DNAI3: variants seen among roughly 807,000 people sequenced by gnomAD.
DNAI3 encodes dynein axonemal intermediate chain 3, also known as WD repeat domain 63.
A neutral mutation model predicts 115.5 loss-of-function variants in DNAI3; 83 were observed. The observed-to-expected ratio is 0.72, with a 90% CI of 0.60 to 0.86. DNAI3 has a LOEUF of 0.86. DNAI3 is among the 40% of genes least tolerant of loss of function. The pLI, the probability that DNAI3 is intolerant of heterozygous loss-of-function variation, is 0.00. For missense variants in DNAI3, 1,004 were observed against 1,075.8 expected, an observed-to-expected ratio of 0.93 and a Z score of 0.93; for synonymous variants, 320 against 347.0, an observed-to-expected ratio of 0.92 and a Z score of 0.86.
chr1:85,096,083 A>T, intron 11 of DNAI3, 63 bp downstream of exon 11: 1 of 1,473,526 alleles, frequency 6.8e-7, no homozygotes, highest in South Asian at 1.1e-5. Context: ...ATAAGTTTTG[A>T]CTTGGCAGTT....
rs755571856 is a variant in DNAI3 at position 85,095,963 on chromosome 1, CTTCAAG to C, written c.1210_1215del (p.Lys404_Phe405del). Reference sequence around the variant, plus strand: ...TGGAGAGCCCAGATGACATCTTCTGCTTCAAGTTCTGTCCGAGTGATCCTAATATCA... The same window carrying C: ...TGGAGAGCCCAGATGACATCTTCTGCTTCTGTCCGAGTGATCCTAATATCA... On this transcript the variant is annotated inframe_deletion, in exon 11 of 23. Coordinates refer to ENST00000294664, the MANE Select transcript of DNAI3 (RefSeq NM_145172.5). 67 of 1,613,856 alleles carry C rather than the reference CTTCAAG, an allele frequency of 4.2e-5. No individual in the cohort carries two copies. Among genetic ancestry groups the C allele is most frequent in the African/African-American group, 5.3e-5 (4 of 74,898 alleles).
At chr1:85,066,314 C>CA (rs1553164760) in intron 1 of DNAI3, among the ~76,000 whole-genome samples, 9,515 of 69,964 alleles carry the variant, frequency 0.14, 799 homozygotes, top group East Asian at 0.32. Context: ...TTCTGCTACT[C>CA]TTTTTTTTTT....
intron 14 of DNAI3, among the ~76,000 whole-genome samples, chr1:85,106,410 A>C (rs888908592): frequency 6.6e-6 from 1 of 152,232 alleles, no homozygotes. Flanking sequence ...AACTCTTACC[A>C]TGCAACAATA....
chr1:85,077,632 A>T (rs970270262), intron 3 of DNAI3, among the ~76,000 whole-genome samples: 1 of 152,220 alleles, frequency 6.6e-6, no homozygotes, highest in Non-Finnish European at 1.5e-5. Context: ...ACTAATCTAT[A>T]GTGACAAGAA....
At chr1:85,069,402 C>T (rs1654198022) in intron 1 of DNAI3, among the ~76,000 whole-genome samples, 2 of 152,098 alleles carry the variant, frequency 1.3e-5, no homozygotes, top group South Asian at 4.1e-4. Context: ...TTTATTTGTT[C>T]TGTCTTCCCC....
intron 22 of DNAI3, 163 bp downstream of exon 22, chr1:85,130,275 GC>G: frequency 2.0e-6 from 2 of 1,021,530 alleles, no homozygotes; most frequent in Non-Finnish European, 2.8e-6. Flanking sequence ...CTAGCTCACT[GC>G]CAGTTAGACA....
chr1:85,087,071 C>T (rs553792638), intron 7 of DNAI3, among the ~76,000 whole-genome samples: 7 of 152,160 alleles, frequency 4.6e-5, no homozygotes, highest in African/African-American at 9.6e-5. Flanking sequence ...ATAGAATGCT[C>T]TTCCCTTGTG....
In DNAI3 at chr1:85,093,503, T is replaced by A; in HGVS notation, c.903T>A (p.Ile301=). The change falls in exon 9 of 23, where the codon ATT becomes ATA. Residue 301 remains isoleucine (I), a synonymous_variant. Transcript: ENST00000294664. ...LQQNEIMNTF[I]DDWKYLAEEE... ...AAAATGAAATCATGAACACATTTAT[T>A]GATGACTGGAAATACCTCGCAGAAG... 1 of 1,614,170 alleles carries A rather than the reference T, an allele frequency of 6.2e-7. No individual in the cohort carries two copies. Among genetic ancestry groups the A allele is most frequent in the Non-Finnish European group, 8.5e-7 (1 of 1,180,026 alleles).
intron 5 of DNAI3, among the ~76,000 whole-genome samples, chr1:85,084,269 T>TAC (rs1654725128): frequency 8.8e-6 from 1 of 113,458 alleles, no homozygotes; most frequent in Non-Finnish European, 1.9e-5. Flanking sequence ...TATATATATA[T>TAC]ATATATATAC....
At position 85,081,292 on chromosome 1, in the gene DNAI3, C is replaced by A; in HGVS notation, c.162C>A (p.Cys54Ter). 6.3e-7 allele frequency: 1 copy of A among 1,599,888 alleles called. No homozygotes were observed. Among genetic ancestry groups the A allele is most frequent in the Non-Finnish European group, 8.5e-7 (1 of 1,175,158 alleles). The change falls in exon 4 of 23, where the codon TGC becomes TGA. Residue 54 changes from cysteine (C) to a stop codon, truncating the protein, a stop_gained. Coordinates refer to ENST00000294664, the MANE Select transcript of DNAI3 (RefSeq NM_145172.5). LOFTEE classifies it high-confidence loss of function. Reference protein sequence around the residue: ...LTTKTQEIFNCRIDEDVTDEQ... With the variant: ...LTTKTQEIFN ...CCAAGACCCAAGAAATATTTAACTG[C>A]CGAATAGATGAAGATGTCACAGATG...
intron 3 of DNAI3, among the ~76,000 whole-genome samples, chr1:85,078,337 C>T (rs1381724241): frequency 6.6e-6 from 1 of 152,218 alleles, no homozygotes; most frequent in Non-Finnish European, 1.5e-5. Flanking sequence ...GTTGTGAAGA[C>T]TAAATGAGTT....
chr1:85,095,597 T>C (rs1364190205), intron 10 of DNAI3, among the ~76,000 whole-genome samples: 7 of 152,166 alleles, frequency 4.6e-5, no homozygotes, highest in Non-Finnish European at 1.0e-4. Context: ...TTCCCTTCCA[T>C]GGTTTTCAGG....
At chr1:85,069,268 A>G (rs1373034270) in intron 1 of DNAI3, among the ~76,000 whole-genome samples, 1 of 152,106 alleles carries the variant, frequency 6.6e-6, no homozygotes, top group Non-Finnish European at 1.5e-5. Context: ...TTCCTCTCCC[A>G]GATATCTGTG....
At chr1:85,080,352 A>G (rs1357533245) in intron 3 of DNAI3, among the ~76,000 whole-genome samples, 1 of 152,152 alleles carries the variant, frequency 6.6e-6, no homozygotes, top group African/African-American at 2.4e-5. Context: ...TTTCTTTAAA[A>G]TGAGAGACCA....
intron 18 of DNAI3, among the ~76,000 whole-genome samples, chr1:85,123,783 C>T (rs1290087126): frequency 6.6e-6 from 1 of 152,350 alleles, no homozygotes; most frequent in Non-Finnish European, 1.5e-5. Flanking sequence ...TATTTACTAA[C>T]CATTGTCTAC....
intron 20 of DNAI3, among the ~76,000 whole-genome samples, chr1:85,128,226 G>A (rs918205183): frequency 2.0e-5 from 3 of 151,190 alleles, no homozygotes; most frequent in African/African-American, 7.3e-5. Context: ...AATGTTCAAA[G>A]GCAGCTACTT....
At chr1:85,092,944 A>G (rs1192771993) in intron 8 of DNAI3, among the ~76,000 whole-genome samples, 1 of 152,224 alleles carries the variant, frequency 6.6e-6, no homozygotes, top group East Asian at 1.9e-4. Flanking sequence ...AGTACAGAAT[A>G]TGCCTAAGAA....
intron 3 of DNAI3, among the ~76,000 whole-genome samples, chr1:85,076,129 C>T (rs781123556): frequency 6.6e-6 from 1 of 152,120 alleles, no homozygotes; most frequent in Non-Finnish European, 1.5e-5. Context: ...CTTCCTTCCT[C>T]TTCACAGCCA....
At chr1:85,117,343 T>C (rs773747196) in intron 16 of DNAI3, among the ~76,000 whole-genome samples, 3 of 152,238 alleles carry the variant, frequency 2.0e-5, no homozygotes, top group Non-Finnish European at 4.4e-5. Flanking sequence ...CTCATGCTTT[T>C]CTTTATTCTC....
Sources: allele counts gnomAD v4.1 joint callset (sites outside exome capture counted in the v4.1 genomes callset), GRCh38; gene constraint gnomAD v4.1.1; transcripts MANE v1.5; gene names NCBI Gene and HGNC (gene_info 2026-07-23, HGNC 2026-07-21).